Variants in SHLD2 observed in about 807,000 individuals in gnomAD.
The protein encoded by SHLD2 is shieldin complex subunit 2.
SHLD2 carries 30 observed loss-of-function variants against 73.2 expected under a neutral mutation model. The ratio of observed to expected loss-of-function variants is 0.41; its 90% CI spans 0.31 to 0.56. The LOEUF (loss-of-function observed/expected upper bound fraction) is 0.56. Among genes scored for constraint, SHLD2 ranks in the 20% least tolerant of loss-of-function variants. SHLD2 has a pLI of 0.28. For missense variants in SHLD2, 745 were observed against 1,055.9 expected (o/e 0.71, Z 4.08); for synonymous variants, 285 against 370.1 (o/e 0.77, Z 2.64).
chr10:87,148,348 C>T (rs1845769290), intron 2 of SHLD2, among the ~76,000 whole-genome samples: 1 of 152,222 alleles, frequency 6.6e-6, no homozygotes, highest in Middle Eastern at 3.4e-3. Context: ...ATATGGTGGT[C>T]TCACAGAGTC....
At chr10:87,173,203 T>C (rs1303770363) in intron 6 of SHLD2, among the ~76,000 whole-genome samples, 3 of 150,524 alleles carry the variant, frequency 2.0e-5, no homozygotes, top group Admixed American at 6.6e-5. Context: ...TATTTTTGTA[T>C]TTTTAGTAGA....
intron 2 of SHLD2, among the ~76,000 whole-genome samples, chr10:87,144,016 C>A (rs941204983): frequency 5.3e-5 from 8 of 152,156 alleles, no homozygotes; most frequent in Admixed American, 3.3e-4. Context: ...GCACATGCCA[C>A]CATGCCTGGC....
At chr10:87,148,564 G>T (rs2484815) in intron 2 of SHLD2, among the ~76,000 whole-genome samples, 2 of 142,294 alleles carry the variant, frequency 1.4e-5, no homozygotes, top group East Asian at 2.2e-4. Flanking sequence ...TTTGTGGGGG[G>T]GCGGGGGTTG....
At chr10:87,179,957 C>G in intron 7 of SHLD2, 118 bp from the exon 8 acceptor site, 1 of 722,702 alleles carries the variant, frequency 1.4e-6, no homozygotes, top group Non-Finnish European at 2.5e-6. Flanking sequence ...AGAACAAGAC[C>G]TCAGTGTATC....
intron 9 of SHLD2, 89 bp downstream of exon 9, chr10:87,187,289 A>G (rs1848681095): frequency 1.2e-6 from 1 of 831,208 alleles, no homozygotes; most frequent in Admixed American, 1.9e-5. Flanking sequence ...CTTTAAATTA[A>G]GAGCTTTTCT....
chr10:87,130,216 G>GATCT (rs1412024356), intron 2 of SHLD2, among the ~76,000 whole-genome samples: 1 of 151,808 alleles, frequency 6.6e-6, no homozygotes, highest in Admixed American at 6.6e-5. Context: ...ACTCTGGGGT[G>GATCT]ATCTATCTGT....
In SHLD2 at chr10:87,176,024, A is replaced by C; in HGVS notation, c.2099A>C (p.Lys700Thr). ...DDIRAITFKA[K>T]FQKSAPSFVK... Reference sequence around the variant, plus strand: ...ATAAGGGCAATTACATTTAAAGCAAAATTTCAAAAAAGTGCACCCTCCTTT... The same window carrying C: ...ATAAGGGCAATTACATTTAAAGCAACATTTCAAAAAAGTGCACCCTCCTTT... Residue 700 changes from lysine to threonine, a missense_variant, in exon 7 of 10, where the codon AAA (lysine) becomes ACA (threonine). Physicochemically the swap from Lys to Thr is moderately conservative, Grantham distance 78. Transcript: ENST00000298786. The C allele has an allele frequency of 6.5e-7, 1 of 1,548,596 alleles. No individual in the cohort carries two copies.
chr10:87,152,418 G>T lies in SHLD2; in HGVS notation c.1064G>T (p.Arg355Leu). The T allele has an allele frequency of 6.2e-7, 1 of 1,603,542 alleles. No individual in the cohort carries two copies. Among genetic ancestry groups the T allele is most frequent in the Non-Finnish European group, 8.5e-7 (1 of 1,175,430 alleles). Residue 355 changes from arginine to leucine, a missense_variant, in exon 3 of 10, where the codon CGT (arginine) becomes CTT (leucine). By Grantham distance (102) the Arg-to-Leu change is moderately radical. Coordinates refer to ENST00000298786, the MANE Select transcript of SHLD2 (RefSeq NM_001330112.2). ...GATGAACTGCCACCAAATGAGATAC[G>T]TATTGAGTTGTGTAGCTCAGGAATA... ...SEDELPPNEI[R>L]IELCSSGILC...
chr10:87,130,435 A>G (rs1015387234), intron 2 of SHLD2, among the ~76,000 whole-genome samples: 7 of 151,576 alleles, frequency 4.6e-5, no homozygotes, highest in Admixed American at 3.3e-4. Flanking sequence ...CCCCCGCACC[A>G]ATGTGCTTTA....
At chr10:87,112,177 G>A (rs1720604556) in intron 2 of SHLD2, among the ~76,000 whole-genome samples, 1 of 151,516 alleles carries the variant, frequency 6.6e-6, no homozygotes, top group Non-Finnish European at 1.5e-5. Context: ...GGCTGCAGTT[G>A]CAGTGAATGG....
At chr10:87,158,769 C>CA in intron 4 of SHLD2, among the ~76,000 whole-genome samples, 1 of 152,174 alleles carries the variant, frequency 6.6e-6, no homozygotes. Flanking sequence ...AGAAAGAAAA[C>CA]AAAGTAAGGG....
intron 3 of SHLD2, among the ~76,000 whole-genome samples, chr10:87,157,758 G>T (rs948858082): frequency 1.3e-5 from 2 of 152,152 alleles, no homozygotes; most frequent in Non-Finnish European, 2.9e-5. Flanking sequence ...AAATATACAT[G>T]ATAACATTTT....
intron 2 of SHLD2, among the ~76,000 whole-genome samples, chr10:87,112,489 A>G (rs1342272680): frequency 6.6e-6 from 1 of 152,030 alleles, no homozygotes; most frequent in Non-Finnish European, 1.5e-5. Flanking sequence ...ACATAGGGAG[A>G]TAGGCGTGGT....
Position 87,175,985 on chromosome 10 carries a change from T to C in SHLD2, c.2060T>C (p.Leu687Ser). The C allele has an allele frequency of 1.3e-6, 2 of 1,550,146 alleles. No individual in the cohort carries two copies. Among genetic ancestry groups the C allele is most frequent in the Non-Finnish European group, 1.7e-6 (2 of 1,146,870 alleles). ...ACGCCTTGGTCATCCTGTGAGTGCT[T>C]GTTTGATGATGATATAAGGGCAATT... ...HTTPWSSCEC[L>S]FDDDIRAITF... The change falls in exon 7 of 10, where the codon TTG (leucine) becomes TCG (serine). Residue 687 changes from leucine (L) to serine (S), a missense_variant. By Grantham distance (145) the Leu-to-Ser change is moderately radical. This residue lies in a region of SHLD2 where 418 missense variants were observed against 567.8 expected (regional missense o/e 0.74). Transcript: ENST00000298786.
chr10:87,170,085 T>C (rs1338972270), intron 4 of SHLD2, among the ~76,000 whole-genome samples: 1 of 152,044 alleles, frequency 6.6e-6, no homozygotes, highest in Admixed American at 6.6e-5. Context: ...CGGCAGAGGA[T>C]AGGATAGTTG....
In SHLD2 at chr10:87,190,286, T is replaced by C. The variant is rs181025906; in HGVS notation, c.2516-198T>C. ...GTTGGCCAGGCATGTCTCGCACTCC[T>C]GACCTCAAGTAATCCGGCTGCCTCC... On this transcript the variant is annotated intron_variant, in intron 9 of 9. Coordinates refer to ENST00000298786, the MANE Select transcript of SHLD2 (RefSeq NM_001330112.2). Among the ~76,000 whole-genome samples, 445 of 152,352 alleles carry C rather than the reference T, an allele frequency of 2.9e-3. 3 individuals are homozygous for C. Among genetic ancestry groups the C allele is most frequent in the African/African-American group, 0.01 (416 of 41,588 alleles).
intron 2 of SHLD2, among the ~76,000 whole-genome samples, chr10:87,146,258 A>T (rs187206692): frequency 6.6e-6 from 1 of 152,062 alleles, no homozygotes; most frequent in East Asian, 1.9e-4. Context: ...GCAACCCAAC[A>T]TGAGTTTGTA....
At chr10:87,128,372 T>G (rs1844188775) in intron 2 of SHLD2, among the ~76,000 whole-genome samples, 1 of 152,256 alleles carries the variant, frequency 6.6e-6, no homozygotes, top group African/African-American at 2.4e-5. Context: ...CCCATTTCCT[T>G]CACTTACTTT....
At chr10:87,098,364 T>C (rs1357889972) in intron 2 of SHLD2, among the ~76,000 whole-genome samples, 1 of 151,814 alleles carries the variant, frequency 6.6e-6, no homozygotes, top group African/African-American at 2.4e-5. Context: ...AAATACAAAA[T>C]TAGCCTGGTG....
Sources: allele counts gnomAD v4.1 joint callset (sites outside exome capture counted in the v4.1 genomes callset), GRCh38; gene constraint gnomAD v4.1.1; regional missense constraint gnomAD v4.1.1; transcripts MANE v1.5; gene names NCBI Gene and HGNC (gene_info 2026-07-23, HGNC 2026-07-21).